SOX5: variants seen among roughly 807,000 people sequenced by gnomAD.
SOX5 encodes the protein transcription factor SOX-5.
A neutral mutation model predicts 92.0 loss-of-function variants in SOX5; 9 were observed. That is an observed-to-expected ratio of 0.10 (90% CI 0.06 to 0.17). SOX5 has a LOEUF of 0.17. SOX5 is among the 10% of genes least tolerant of loss of function. The pLI, the probability that SOX5 is intolerant of heterozygous loss-of-function variation, is 1.00. For missense variants in SOX5, 642 were observed against 944.5 expected, an observed-to-expected ratio of 0.68 and a Z score of 4.20; for synonymous variants, 344 against 336.3, an observed-to-expected ratio of 1.02 and a Z score of -0.25.
chr12:24,064,855 A>G lies in SOX5; in HGVS notation c.-2+148488T>C, dbSNP rs540209790. ...TAATACATAAGGATGGGTTCATGTG[A>G]CAGAGGTTATAGTTCGGATTATCTT... On this transcript the variant is annotated intron_variant, in intron 4 of 4. Transcript: ENST00000446891. Among the ~76,000 whole-genome samples the G allele has an allele frequency of 2.6e-5, 4 of 152,340 alleles. No homozygotes were observed. The East Asian group carries it at 7.7e-4, about 29-fold the overall frequency.
intron 1 of SOX5, among the ~76,000 whole-genome samples, chr12:23,916,714 C>A (rs2097421260): frequency 6.6e-6 from 1 of 152,086 alleles, no homozygotes; most frequent in African/African-American, 2.4e-5. Context: ...TCAATGTAGC[C>A]TTTCCGGTTC....
At chr12:23,942,545 T>C (rs1041359811) in intron 1 of SOX5, among the ~76,000 whole-genome samples, 2 of 151,856 alleles carry the variant, frequency 1.3e-5, no homozygotes, top group African/African-American at 4.8e-5. Context: ...TTCTTGAAAA[T>C]GTTCCTGAAG....
At chr12:23,887,550 G>GT (rs1320531985) in intron 2 of SOX5, among the ~76,000 whole-genome samples, 1 of 152,094 alleles carries the variant, frequency 6.6e-6, no homozygotes, top group Non-Finnish European at 1.5e-5. Flanking sequence ...AAGAATTCAC[G>GT]TAAGTCTCCG....
intron 1 of SOX5, among the ~76,000 whole-genome samples, chr12:24,395,972 A>AAGG (rs1398536252): frequency 6.6e-6 from 1 of 152,178 alleles, no homozygotes; most frequent in Non-Finnish European, 1.5e-5. Context: ...CTGCTATGAG[A>AAGG]AGGAGGCTGG....
In SOX5 at chr12:23,610,850, TGAA is replaced by T. The variant is rs1404810996; in HGVS notation, c.1018-6320_1018-6318del. ...TTGCAAAATAAATACCAAAAATGGG[TGAA>T]GATTATTTGAAAAAAGTTAAAAGTA... On this transcript the variant is annotated intron_variant, in intron 8 of 14. Transcript: ENST00000451604. Among the ~76,000 whole-genome samples the T allele has an allele frequency of 3.3e-5, 5 of 152,162 alleles. No homozygotes were observed. In the East Asian group the frequency reaches 9.6e-4, roughly 29 times the overall value.
chr12:24,425,550 G>A (rs1003021764), intron 1 of SOX5, among the ~76,000 whole-genome samples: 2 of 152,094 alleles, frequency 1.3e-5, no homozygotes, highest in Non-Finnish European at 2.9e-5. Flanking sequence ...TGAATTTTGG[G>A]GGGTACTGAC....
At chr12:24,452,421 T>C (rs1328369854) in intron 1 of SOX5, among the ~76,000 whole-genome samples, 2 of 152,196 alleles carry the variant, frequency 1.3e-5, no homozygotes, top group Admixed American at 6.5e-5. Context: ...GGAGCAGGAA[T>C]GTGTCCCTTG....
At chr12:24,302,493 C>T (rs1461010479) in intron 2 of SOX5, among the ~76,000 whole-genome samples, 2 of 152,002 alleles carry the variant, frequency 1.3e-5, no homozygotes, top group Admixed American at 6.5e-5. Context: ...TGCTTCTTGC[C>T]ATACAAAACA....
chr12:23,728,199 CA>C (rs1437258420), intron 6 of SOX5, among the ~76,000 whole-genome samples: 3 of 152,250 alleles, frequency 2.0e-5, no homozygotes, highest in Admixed American at 6.5e-5. Flanking sequence ...TTTATATCTC[CA>C]TATTTCCTCC....
intron 4 of SOX5, among the ~76,000 whole-genome samples, chr12:23,970,423 T>C (rs1247605545): frequency 6.6e-6 from 1 of 152,096 alleles, no homozygotes; most frequent in Non-Finnish European, 1.5e-5. Flanking sequence ...TAACAGAAAC[T>C]CTAACCATTA....
rs559736989 is a variant in SOX5, at chr12:24,181,731, C to G, written c.-2+31612G>C. Among the ~76,000 whole-genome samples, 15 of 152,150 alleles carry G rather than the reference C, an allele frequency of 9.9e-5. No homozygotes were observed. In the South Asian group the frequency reaches 3.1e-3, roughly 32 times the overall value. ...TTTCTATTTTAAAAATATACTGAAT[C>G]CTGTGTTAAGTTCTAGGAGGCAAAG... On this transcript the variant is annotated intron_variant, in intron 4 of 4. Coordinates refer to the SOX5 transcript ENST00000446891.
intron 2 of SOX5, among the ~76,000 whole-genome samples, chr12:23,872,921 G>A (rs1464004380): frequency 1.3e-5 from 2 of 152,108 alleles, no homozygotes; most frequent in Non-Finnish European, 2.9e-5. Flanking sequence ...CATATTCAGT[G>A]ACTAATTAAA....
intron 3 of SOX5, among the ~76,000 whole-genome samples, chr12:23,778,992 G>A (rs1216174793): frequency 6.6e-6 from 1 of 152,152 alleles, no homozygotes; most frequent in East Asian, 1.9e-4. Context: ...AGACTGTTAA[G>A]TCATTTTACT....
chr12:24,330,467 C>T (rs934010449), intron 2 of SOX5, among the ~76,000 whole-genome samples: 1 of 152,150 alleles, frequency 6.6e-6, no homozygotes, highest in Non-Finnish European at 1.5e-5. Context: ...TATGCTGCAG[C>T]CATACTGGAG....
intron 1 of SOX5, among the ~76,000 whole-genome samples, chr12:24,470,472 C>T (rs369083195): frequency 2.0e-4 from 30 of 147,774 alleles, no homozygotes; most frequent in African/African-American, 7.3e-4. Context: ...ATAAAGATCA[C>T]GGAAACACTT....
intron 4 of SOX5, among the ~76,000 whole-genome samples, chr12:23,999,141 T>TGTGA (rs1951340325): frequency 2.9e-4 from 1 of 3,494 alleles, no homozygotes; most frequent in African/African-American, 4.5e-4. Context: ...AAAAAGACTC[T>TGTGA]GTGTGTGTGT....
chr12:24,170,546 G>A (rs1953967383), intron 4 of SOX5, among the ~76,000 whole-genome samples: 1 of 152,194 alleles, frequency 6.6e-6, no homozygotes, highest in South Asian at 2.1e-4. Flanking sequence ...ACGTGTTTCT[G>A]ATGGCATTTG....
At chr12:23,959,047 T>C (rs1273408471) in intron 4 of SOX5, among the ~76,000 whole-genome samples, 1 of 151,838 alleles carries the variant, frequency 6.6e-6, no homozygotes, top group Non-Finnish European at 1.5e-5. Flanking sequence ...TGAAAAGACA[T>C]ACCAAGTTCC....
chr12:24,166,490 C>A (rs188677075), intron 4 of SOX5, among the ~76,000 whole-genome samples: 4 of 152,200 alleles, frequency 2.6e-5, no homozygotes, highest in Admixed American at 1.3e-4. Flanking sequence ...TGAGAGAGAG[C>A]GAGCATTAAA....
Sources: allele counts gnomAD v4.1 joint callset (sites outside exome capture counted in the v4.1 genomes callset), GRCh38; gene constraint gnomAD v4.1.1; transcripts MANE v1.5; gene names NCBI Gene and HGNC (gene_info 2026-07-23, HGNC 2026-07-21).